Variants in MGRN1 observed in about 807,000 individuals in gnomAD.
The protein encoded by MGRN1 is E3 ubiquitin-protein ligase MGRN1.
In MGRN1, 29 loss-of-function variants were observed where a neutral mutation model predicts 69.2. The ratio of observed to expected loss-of-function variants is 0.42; its 90% CI spans 0.31 to 0.57. The LOEUF (loss-of-function observed/expected upper bound fraction) is 0.57, where lower values mean the gene tolerates loss of function less well. Among genes scored for constraint, MGRN1 ranks in the 20% least tolerant of loss-of-function variants. The pLI is 0.15. For synonymous variants in MGRN1, 470 were observed against 344.2 expected, an observed-to-expected ratio of 1.37 and a Z score of -4.04; for missense variants, 998 against 796.2, an observed-to-expected ratio of 1.25 and a Z score of -3.05.
intron 1 of MGRN1, 121 bp downstream of exon 1, chr16:4,625,169 C>T (rs561367878): frequency 1.1e-6 from 1 of 950,142 alleles, no homozygotes; most frequent in South Asian, 2.5e-5. Context: ...CTCGTTGCTA[C>T]CCCGAGCCTT....
intron 15 of MGRN1, 23 bp from the exon 16 acceptor site, chr16:4,683,820 C>T: frequency 1.9e-6 from 3 of 1,609,894 alleles, no homozygotes; most frequent in Non-Finnish European, 2.5e-6. Flanking sequence ...CTGTAGGTCC[C>T]TAACCTCACC....
chr16:4,627,121 T>A (rs1048096087), intron 1 of MGRN1, among the ~76,000 whole-genome samples: 2 of 152,198 alleles, frequency 1.3e-5, no homozygotes, highest in African/African-American at 2.4e-5. Flanking sequence ...TCAGCAGCAT[T>A]TTGGTGTGTT....
Position 4,671,405 on chromosome 16 carries a change from C to T in MGRN1, c.741C>T (p.Ser247=), listed in dbSNP as rs776205548. The change falls in exon 9 of 17, where the codon AGC becomes AGT. Residue 247 remains serine (S), a synonymous_variant. Transcript: ENST00000262370. ...CTGCTCTCCAGGTGGACCGGGTCAG[C>T]TACCTCCTGCAGGAGATCTATGGCA... The part of the protein sequence containing the change: ...LKQKQIVDRV[S]YLLQEIYGIE... 30 of 1,613,972 alleles carry T rather than the reference C, an allele frequency of 1.9e-5. No homozygotes were observed. Among genetic ancestry groups the T allele is most frequent in the South Asian group, 6.6e-5 (6 of 91,090 alleles).
intron 16 of MGRN1, chr16:4,687,604 C>CAT: frequency 1.0e-6 from 1 of 985,190 alleles, no homozygotes; most frequent in Non-Finnish European, 1.2e-6. Flanking sequence ...CACACACACA[C>CAT]ACACGGGGGA....
At chr16:4,651,357 G>A (rs1596280887) in intron 2 of MGRN1, among the ~76,000 whole-genome samples, 6 of 152,186 alleles carry the variant, frequency 3.9e-5, no homozygotes, top group South Asian at 4.1e-4. Flanking sequence ...TGGTGGGGGC[G>A]TAGACAATTA....
At chr16:4,657,410 T>G in intron 5 of MGRN1, 47 bp downstream of exon 5, 1 of 1,563,760 alleles carries the variant, frequency 6.4e-7, no homozygotes, top group Non-Finnish European at 8.8e-7. Context: ...TCCTGAATTC[T>G]CTCCCCTTGG....
At chr16:4,629,191 T>A (rs181158182) in intron 1 of MGRN1, among the ~76,000 whole-genome samples, 27 of 149,028 alleles carry the variant, frequency 1.8e-4, no homozygotes, top group African/African-American at 4.4e-4. Flanking sequence ...TGTGTGTGTG[T>A]GAAAAGTGTC....
intron 5 of MGRN1, among the ~76,000 whole-genome samples, chr16:4,658,476 C>T (rs1376495004): frequency 6.6e-6 from 1 of 151,040 alleles, no homozygotes; most frequent in East Asian, 2.0e-4. Context: ...GTGGAGCTTG[C>T]AGTGAGCCGA....
intron 4 of MGRN1, among the ~76,000 whole-genome samples, chr16:4,656,191 G>T (rs2078533648): frequency 6.6e-6 from 1 of 152,234 alleles, no homozygotes; most frequent in East Asian, 1.9e-4. Flanking sequence ...ACTGCTTGAG[G>T]CACCTGTCTT....
At chr16:4,688,419 C>G (rs1392584961) in intron 16 of MGRN1, 1 of 1,039,502 alleles carries the variant, frequency 9.6e-7, no homozygotes, top group Non-Finnish European at 1.2e-6. Context: ...CGAGTTCCAC[C>G]CTAACCCAGC....
chr16:4,651,908 C>T (rs2078416112), intron 2 of MGRN1, 55 bp from the exon 3 acceptor site: 3 of 1,533,418 alleles, frequency 2.0e-6, no homozygotes, highest in South Asian at 2.2e-5. Flanking sequence ...GACCCGTTTT[C>T]TGTTGTTGGC....
At position 4,688,814 on chromosome 16, in the gene MGRN1, A is replaced by G; in HGVS notation, c.1637A>G (p.Glu546Gly). ...CCTGCAGGACGGCCCACCTCCATGGAGACGGCCCACGGCCTCGCCACCACC... is the reference window on the plus strand; with the variant it reads ...CCTGCAGGACGGCCCACCTCCATGGGGACGGCCCACGGCCTCGCCACCACC... ...IYLPGRPTSM[E>G]TAHGLATTSP... Residue 546 changes from glutamate to glycine, a missense_variant, in exon 17 of 17, where the codon GAG (glutamate) becomes GGG (glycine). Transcript: ENST00000262370. 1.9e-6 allele frequency: 3 copies of G among 1,551,624 alleles called. No homozygotes were observed. The highest frequency in any genetic ancestry group is 1.7e-6 in the Non-Finnish European group (2 of 1,147,096).
At chr16:4,630,732 G>A (rs532220617) in intron 1 of MGRN1, among the ~76,000 whole-genome samples, 4 of 151,784 alleles carry the variant, frequency 2.6e-5, no homozygotes, top group Non-Finnish European at 5.9e-5. Flanking sequence ...GGCGTGAGCC[G>A]CTGTGCCCGG....
chr16:4,674,587 TTTTCTTTTCTTTTC>T (rs1357664700), intron 10 of MGRN1, among the ~76,000 whole-genome samples: 1 of 139,834 alleles, frequency 7.2e-6, no homozygotes, highest in African/African-American at 2.7e-5. Flanking sequence ...GCTTTTTTTT[TTTTCTTTTCTTTTC>T]TTTTTTTTTC....
Position 4,671,817 on chromosome 16 carries a change from T to C in MGRN1, c.795+358T>C, listed in dbSNP as rs1160172135. Among the ~76,000 whole-genome samples the C allele has an allele frequency of 3.9e-5, 6 of 152,194 alleles. 1 individual carries two copies. The highest frequency in any genetic ancestry group is 3.9e-4 in the Admixed American group (6 of 15,280). The stretch of plus-strand genomic sequence containing the variant: ...GCAGCTCCTGGGGGAGGGATGCTTA[T>C]TCTGTATGTCCATAGAACCAGTCCT... On this transcript the variant is annotated intron_variant, in intron 9 of 16. Coordinates refer to ENST00000262370, the MANE Select transcript of MGRN1 (RefSeq NM_015246.4).
intron 4 of MGRN1, 125 bp from the exon 5 acceptor site, chr16:4,657,121 C>A: frequency 1.1e-6 from 1 of 885,376 alleles, no homozygotes; most frequent in Non-Finnish European, 1.8e-6. Flanking sequence ...GTTTGCTGTT[C>A]CCCATGAGAG....
chr16:4,668,145 TC>T, intron 7 of MGRN1, 119 bp from the exon 8 acceptor site: 11 of 676,998 alleles, frequency 1.6e-5, no homozygotes, highest in South Asian at 7.5e-5. Flanking sequence ...TTTTCTTTTT[TC>T]TTTTTCCAGC....
Position 4,688,937 on chromosome 16 carries a change from C to A in MGRN1, c.*29C>A. On this transcript the variant is annotated 3_prime_UTR_variant, in exon 17 of 17. Transcript: ENST00000262370. ...CCTGGCCGAGCTGGCAGCATGGAGC[C>A]CTCGGCTCCCCAGACTTTGCCGAGG... 6.6e-7 allele frequency: 1 copy of A among 1,522,270 alleles called. No homozygotes were observed. Among genetic ancestry groups the A allele is most frequent in the Non-Finnish European group, 8.9e-7 (1 of 1,127,722 alleles). The allele number at this position is 1,522,270 out of a possible 1,614,324, so 94.3% of individuals were successfully genotyped here.
At chr16:4,651,827 G>A in intron 2 of MGRN1, 136 bp from the exon 3 acceptor site, 1 of 753,498 alleles carries the variant, frequency 1.3e-6, no homozygotes, top group Non-Finnish European at 2.3e-6. Flanking sequence ...TGAGAACAGT[G>A]CACCCAGTAT....
Sources: gnomAD v4.1 joint callset for allele counts (sites outside exome capture counted in the v4.1 genomes callset) on GRCh38, gnomAD v4.1.1 for gene constraint, MANE v1.5 for transcripts, NCBI Gene and HGNC (gene_info 2026-07-23, HGNC 2026-07-21) for gene names.